Variants in RGL3 observed in about 807,000 individuals in gnomAD.
RGL3 encodes the protein ral guanine nucleotide dissociation stimulator-like 3.
Under a neutral mutation model 90.6 loss-of-function variants are expected in RGL3, and 85 were observed. The ratio of observed to expected loss-of-function variants is 0.94; its 90% CI spans 0.79 to 1.12. RGL3 has a LOEUF of 1.12. Among genes scored for constraint, RGL3 ranks in the 50% most tolerant of loss-of-function variants. The probability of loss-of-function intolerance (pLI) is 0.00; values close to 1 mark genes in which losing one functional copy is unlikely to be tolerated. For synonymous variants in RGL3, 408 were observed against 385.5 expected (o/e 1.06, Z -0.68); for missense variants, 1,034 against 939.2 (o/e 1.10, Z -1.32).
chr19:11,405,478 C>CCTG, intron 7 of RGL3, 52 bp from the exon 8 acceptor site: 1 of 407,550 alleles, frequency 2.5e-6, no homozygotes, highest in Non-Finnish European at 4.5e-6. Flanking sequence ...CACCTTTCAT[C>CCTG]CTGAAACTTC....
chr19:11,398,782 T>C (rs963364300), intron 16 of RGL3, among the ~76,000 whole-genome samples: 4 of 152,158 alleles, frequency 2.6e-5, no homozygotes, highest in Non-Finnish European at 4.4e-5. Context: ...GTGATTCTCC[T>C]GCCTCAGCCT....
chr19:11,410,252 C>T (rs557218389), intron 5 of RGL3, among the ~76,000 whole-genome samples: 15 of 151,852 alleles, frequency 9.9e-5, no homozygotes, highest in African/African-American at 3.4e-4. Flanking sequence ...CCTCCTGCCT[C>T]GGCTTCCCAA....
At chr19:11,402,411 G>T (rs1185986241) in intron 11 of RGL3, 44 bp downstream of exon 11, 5 of 1,579,500 alleles carry the variant, frequency 3.2e-6, no homozygotes, top group Non-Finnish European at 4.3e-6. Flanking sequence ...TTGTGCTGGG[G>T]GCAAGTGGAG....
At chr19:11,401,767 G>C (rs969282180) in intron 13 of RGL3, among the ~76,000 whole-genome samples, 1 of 151,902 alleles carries the variant, frequency 6.6e-6, no homozygotes, top group Non-Finnish European at 1.5e-5. Context: ...GGCTGGTCTC[G>C]AAATCCTGGG....
chr19:11,408,584 CAA>C (rs369314749), intron 5 of RGL3, among the ~76,000 whole-genome samples: 16 of 121,444 alleles, frequency 1.3e-4, no homozygotes, highest in Admixed American at 8.7e-5. Flanking sequence ...GACTCCATCT[CAA>C]AAAAAAAAAA....
At chr19:11,418,941 C>T in intron 1 of RGL3, 157 bp from the exon 2 acceptor site, 1 of 653,746 alleles carries the variant, frequency 1.5e-6, no homozygotes, top group Non-Finnish European at 2.5e-6. Flanking sequence ...CAGGCTAGTC[C>T]CCTCCTCGCT....
chr19:11,418,519 AG>A, intron 2 of RGL3, 151 bp downstream of exon 2: 2 of 380,260 alleles, frequency 5.3e-6, no homozygotes, highest in Non-Finnish European at 8.7e-6. Flanking sequence ...GGCCGCCCCC[AG>A]TCCCCTTTCT....
At chr19:11,403,376 C>T (rs1191039748) in intron 9 of RGL3, among the ~76,000 whole-genome samples, 26 of 148,146 alleles carry the variant, frequency 1.8e-4, no homozygotes, top group Admixed American at 4.7e-4. Context: ...TGGTGGCTCA[C>T]GCCTGTAATC....
chr19:11,394,435 C>T lies in RGL3; in HGVS notation c.2100G>A (p.Gly700=). 1 of 1,613,874 alleles carries T rather than the reference C, an allele frequency of 6.2e-7. No homozygotes were observed. Among genetic ancestry groups the T allele is most frequent in the Non-Finnish European group, 8.5e-7 (1 of 1,179,952 alleles). ...PRDFMLRRKE[G]TRNTLSVSPS ...GGGAGACAGACAGAGTGTTCCGGGT[C>T]CCCTCTTTCCGCCGCAGCATGAAGT... The change falls in exon 19 of 19, where the codon GGG becomes GGA. Residue 700 remains glycine (G), a synonymous_variant. Transcript: ENST00000380456.
At chr19:11,418,339 C>A (rs1215361419) in intron 2 of RGL3, among the ~76,000 whole-genome samples, 1 of 150,070 alleles carries the variant, frequency 6.7e-6, no homozygotes, top group African/African-American at 2.5e-5. Context: ...CCTCACCTAG[C>A]CACTTCTAAA....
At chr19:11,414,687 CAGATGGGTGAA>C (rs1207614492) in intron 5 of RGL3, among the ~76,000 whole-genome samples, 2 of 150,798 alleles carry the variant, frequency 1.3e-5, no homozygotes, top group Non-Finnish European at 2.9e-5. Context: ...AGATCAAATA[CAGATGGGTGAA>C]AGATGATACT....
Position 11,402,493 on chromosome 19 carries a change from G to C in RGL3, c.1291C>G (p.Leu431Val). 6.2e-7 allele frequency: 1 copy of C among 1,605,304 alleles called. No individual in the cohort carries two copies. The highest frequency in any genetic ancestry group is 1.3e-5 in the African/African-American group (1 of 74,422). Residue 431 changes from leucine to valine, a missense_variant, in exon 11 of 19, where the codon CTG becomes GTG. By Grantham distance (32) the Leu-to-Val change is conservative. Transcript: ENST00000380456. Reference protein sequence around the residue: ...VPYLGTFLTDLVMLDTALPDM... With the variant: ...VPYLGTFLTDVVMLDTALPDM... ...GGCAGGGCTGTGTCCAGCATAACCA[G>C]GTCCGTAAGGAAGGTGCCAAGGTAG...
At position 11,402,205 on chromosome 19, in the gene RGL3, C is replaced by G. The variant is rs750991157; in HGVS notation, c.1362+10G>C. On this transcript the variant is annotated intron_variant, in intron 12 of 18. Coordinates refer to ENST00000380456, the MANE Select transcript of RGL3 (RefSeq NM_001035223.4). ...CAGGCACCACCACACCCACTGTAGCCTCCACTCACCTTCCTCCTCTTCTCA... is the reference window on the plus strand; with the variant it reads ...CAGGCACCACCACACCCACTGTAGCGTCCACTCACCTTCCTCCTCTTCTCA... The G allele has an allele frequency of 6.2e-7, 1 of 1,613,564 alleles. No homozygotes were observed.
chr19:11,414,405 ATATATATATACCTT>A (rs1968942331), intron 5 of RGL3, among the ~76,000 whole-genome samples: 2 of 117,524 alleles, frequency 1.7e-5, no homozygotes, highest in Non-Finnish European at 1.8e-5. Flanking sequence ...ATATACCTTT[ATATATATATACCTT>A]TATATATATA....
intron 7 of RGL3, 50 bp downstream of exon 7, chr19:11,406,369 C>T (rs1263512382): frequency 6.7e-7 from 1 of 1,497,330 alleles, no homozygotes; most frequent in East Asian, 2.5e-5. Flanking sequence ...CATTTTTTCC[C>T]CTTGCCCCAG....
chr19:11,418,685 G>C lies in RGL3; in HGVS notation c.133C>G (p.Pro45Ala). 6.4e-7 allele frequency: 1 copy of C among 1,557,658 alleles called. No homozygotes were observed. The change falls in exon 2 of 19, where the codon CCC (proline) becomes GCC (alanine). Residue 45 changes from proline to alanine, a missense_variant. Physicochemically the swap from Pro to Ala is conservative, Grantham distance 27. Transcript: ENST00000380456. ...CCCCTCCTCACCTGGCTGCCCCCGG[G>C]GCCCTCCGCCGGGCTCCTGCGCTGA... ...RSQRRSPAEG[P>A]GGSQAPSPIA... is the part of the protein sequence containing the mutation.
At position 11,400,211 on chromosome 19, in the gene RGL3, C is replaced by T. The variant is rs148120187; in HGVS notation, c.1571G>A (p.Arg524His). Reference sequence around the variant, plus strand: ...ACACCCCGAGACTCACGCACTGAGACGCTTGGTGAGGCTGATCCGCCGTCG... The same window carrying T: ...ACACCCCGAGACTCACGCACTGAGATGCTTGGTGAGGCTGATCCGCCGTCG... ...RIRRRISLTK[R>H]LSAKLAREKS... Residue 524 changes from arginine (R) to histidine (H), a missense_variant, in exon 14 of 19, where the codon CGT becomes CAT. Coordinates refer to ENST00000380456, the MANE Select transcript of RGL3 (RefSeq NM_001035223.4). The T allele has an allele frequency of 2.5e-4, 389 of 1,587,740 alleles. No individual in the cohort carries two copies. In the African/African-American group the frequency reaches 4.7e-3, roughly 19 times the overall value.
chr19:11,405,494 CTTTTTTTTTTTTTTTTTTTTTTTTTTT>C (rs771398199), intron 7 of RGL3, 68 bp from the exon 8 acceptor site: 4,533 of 163,706 alleles, frequency 0.028, 82 homozygotes, highest in Non-Finnish European at 0.033. Flanking sequence ...ACTTCTTCAT[CTTTTTTTTTTTTTTTTTTTTTTTTTTT>C]TTTTTTTTTT....
At position 11,400,585 on chromosome 19, in the gene RGL3, C is replaced by T. The variant is rs561284768; in HGVS notation, c.1485-288G>A. Among the ~76,000 whole-genome samples, 55 of 152,074 alleles carry T rather than the reference C, an allele frequency of 3.6e-4. 1 individual carries two copies. In the South Asian group the frequency reaches 9.8e-3, roughly 27 times the overall value. The stretch of plus-strand genomic sequence containing the variant: ...TCAGGGTCAGGACTGGGTGCAGTGG[C>T]TCACGCCTGTAATCCTAGCACTTTG... On this transcript the variant is annotated intron_variant, in intron 13 of 18. Transcript: ENST00000380456.
Sources: gnomAD v4.1 joint callset for allele counts (sites outside exome capture counted in the v4.1 genomes callset) on GRCh38, gnomAD v4.1.1 for gene constraint, MANE v1.5 for transcripts, NCBI Gene and HGNC (gene_info 2026-07-23, HGNC 2026-07-21) for gene names.